Variants in NTM observed in about 807,000 individuals in gnomAD.
The protein encoded by NTM is IgLON family member 2.
NTM carries 13 observed loss-of-function variants against 42.1 expected under a neutral mutation model. The observed-to-expected ratio is 0.31, with a 90% confidence interval of 0.20 to 0.49. The LOEUF (loss-of-function observed/expected upper bound fraction) is 0.49. Ranked by LOEUF, NTM falls within the 20% of genes least tolerant of loss-of-function variation. The pLI, the probability that NTM is intolerant of heterozygous loss-of-function variation, is 0.99. For synonymous variants in NTM, 187 were observed against 179.2 expected, an observed-to-expected ratio of 1.04 and a Z score of -0.35; for missense variants, 373 against 452.8, an observed-to-expected ratio of 0.82 and a Z score of 1.60.
chr11:131,686,357 T>G (rs1245125676), intron 1 of NTM, among the ~76,000 whole-genome samples: 1 of 152,242 alleles, frequency 6.6e-6, no homozygotes, highest in East Asian at 1.9e-4. Context: ...GCATGTTATG[T>G]GTTATATACC....
At chr11:131,442,986 G>A (rs1247487712) in intron 1 of NTM, among the ~76,000 whole-genome samples, 1 of 151,996 alleles carries the variant, frequency 6.6e-6, no homozygotes, top group Non-Finnish European at 1.5e-5. Context: ...CTTTTCCTTT[G>A]GTAGATGCCC....
At chr11:131,431,520 G>C (rs1443386636) in intron 1 of NTM, among the ~76,000 whole-genome samples, 2 of 152,198 alleles carry the variant, frequency 1.3e-5, no homozygotes, top group Non-Finnish European at 2.9e-5. Flanking sequence ...GGTTAAGAGA[G>C]TAGCCCAGGC....
intron 1 of NTM, among the ~76,000 whole-genome samples, chr11:131,543,614 C>T (rs1486182300): frequency 6.6e-6 from 1 of 152,226 alleles, no homozygotes; most frequent in Non-Finnish European, 1.5e-5. Flanking sequence ...TGCCCAAAGC[C>T]TGCTAGCAGC....
At chr11:131,494,124 T>C (rs1036427554) in intron 1 of NTM, among the ~76,000 whole-genome samples, 2 of 152,220 alleles carry the variant, frequency 1.3e-5, no homozygotes. Context: ...CCTTTAAGGT[T>C]ATACTCTTAC....
chr11:132,194,977 C>T (rs964691680), intron 3 of NTM, among the ~76,000 whole-genome samples: 12 of 151,900 alleles, frequency 7.9e-5, no homozygotes, highest in African/African-American at 2.9e-4. Context: ...CCTGTGCCAC[C>T]ACGCCTGGCT....
intron 1 of NTM, chr11:131,534,971 T>A (rs1463723031): frequency 6.6e-6 from 1 of 152,218 alleles, no homozygotes; most frequent in African/African-American, 2.4e-5. Context: ...GAAAAAATCC[T>A]TTTCTTGCAG....
At chr11:131,918,942 G>A (rs2056823555) in intron 2 of NTM, among the ~76,000 whole-genome samples, 1 of 152,070 alleles carries the variant, frequency 6.6e-6, no homozygotes, top group African/African-American at 2.4e-5. Flanking sequence ...CAGCAATCTT[G>A]GACTTTCTCA....
intron 1 of NTM, among the ~76,000 whole-genome samples, chr11:131,572,230 G>T (rs1284377829): frequency 2.0e-5 from 3 of 152,118 alleles, no homozygotes; most frequent in Non-Finnish European, 4.4e-5. Flanking sequence ...AGGCCACGGG[G>T]TCAGACCATC....
At chr11:131,380,374 A>T (rs1591509189) in intron 1 of NTM, among the ~76,000 whole-genome samples, 1 of 151,386 alleles carries the variant, frequency 6.6e-6, no homozygotes, top group East Asian at 2.0e-4. Flanking sequence ...TGCCCAGCTA[A>T]TTTTTTTTCT....
intron 1 of NTM, among the ~76,000 whole-genome samples, chr11:131,545,294 T>C (rs2136847621): frequency 6.6e-6 from 1 of 152,156 alleles, no homozygotes; most frequent in South Asian, 2.1e-4. Context: ...TTTGTCTTTT[T>C]CTTTTTCTTT....
chr11:132,091,774 G>T (rs2060407302), intron 2 of NTM, among the ~76,000 whole-genome samples: 2 of 152,104 alleles, frequency 1.3e-5, no homozygotes, highest in Non-Finnish European at 2.9e-5. Flanking sequence ...GAGCCACCAT[G>T]CCCAGTCCCA....
chr11:132,060,993 T>C (rs926266590), intron 2 of NTM, among the ~76,000 whole-genome samples: 2 of 152,218 alleles, frequency 1.3e-5, no homozygotes, highest in Admixed American at 1.3e-4. Context: ...TGTGAATGCA[T>C]GCTAAAATGC....
intron 2 of NTM, among the ~76,000 whole-genome samples, chr11:132,119,174 G>C (rs1000715934): frequency 1.1e-4 from 17 of 152,170 alleles, no homozygotes; most frequent in African/African-American, 3.6e-4. Context: ...AGAGGCTGTA[G>C]CTCCCCAGGG....
intron 4 of NTM, among the ~76,000 whole-genome samples, chr11:132,232,890 G>A (rs1373368626): frequency 6.6e-6 from 1 of 152,196 alleles, no homozygotes; most frequent in African/African-American, 2.4e-5. Flanking sequence ...CGGCGTTTAT[G>A]ACCGTTGTTA....
intron 1 of NTM, among the ~76,000 whole-genome samples, chr11:131,547,159 TCTTA>T (rs2054055105): frequency 6.6e-6 from 1 of 152,188 alleles, no homozygotes; most frequent in Admixed American, 6.5e-5. Context: ...TGGTAATTAT[TCTTA>T]CTATGTCTCA....
Position 131,910,902 on chromosome 11 carries a change from C to A in NTM, c.83-662C>A, listed in dbSNP as rs987181237. On this transcript the variant is annotated intron_variant, in intron 1 of 8. Transcript: ENST00000683400. ...CCGGGCCCGGATCGCACGAAGCCCGCGCGGCCGTCTCCTCCGCGCGCCACC... is the reference window on the plus strand; with the variant it reads ...CCGGGCCCGGATCGCACGAAGCCCGAGCGGCCGTCTCCTCCGCGCGCCACC... The A allele has an allele frequency of 4.1e-6, 4 of 986,148 alleles. 1 individual carries two copies. In the Admixed American group the frequency reaches 2.4e-4, roughly 60 times the overall value. The allele number at this position is 986,148 out of a possible 1,614,324, so 61.1% of individuals were successfully genotyped here. A position where few individuals can be genotyped will look rare whatever the true frequency, so the allele number is the denominator to read the frequency against.
At chr11:131,813,890 C>G (rs1055090979) in intron 1 of NTM, among the ~76,000 whole-genome samples, 8 of 152,124 alleles carry the variant, frequency 5.3e-5, no homozygotes, top group Admixed American at 5.2e-4. Flanking sequence ...CCACAGCCCT[C>G]ATTCTCCTCA....
intron 3 of NTM, among the ~76,000 whole-genome samples, chr11:132,202,902 G>A (rs1172498859): frequency 3.9e-5 from 6 of 152,140 alleles, no homozygotes; most frequent in African/African-American, 2.4e-5. Flanking sequence ...AACATGAATG[G>A]TTTTACTATG....
chr11:131,621,298 T>C (rs142035469), intron 1 of NTM, among the ~76,000 whole-genome samples: 903 of 152,284 alleles, frequency 5.9e-3, no homozygotes, highest in South Asian at 0.016. Flanking sequence ...ATGTACTAAG[T>C]TGACAATAAT....
Sources: gnomAD v4.1 joint callset for allele counts (sites outside exome capture counted in the v4.1 genomes callset) on GRCh38, gnomAD v4.1.1 for gene constraint, MANE v1.5 for transcripts, NCBI Gene and HGNC (gene_info 2026-07-23, HGNC 2026-07-21) for gene names.